Variants in TRIOBP observed in about 807,000 individuals in gnomAD.
TRIOBP encodes TRIO and F-actin binding protein.
TRIOBP carries 169 observed loss-of-function variants against 238.8 expected under a neutral mutation model. The observed-to-expected ratio is 0.71, with a 90% CI of 0.62 to 0.80. The LOEUF is 0.80. TRIOBP is among the 30% of genes least tolerant of loss of function. TRIOBP has a pLI of 0.00. For missense variants in TRIOBP, 2,838 were observed against 3,122.6 expected, an observed-to-expected ratio of 0.91 and a Z score of 2.17; for synonymous variants, 1,150 against 1,274.4, an observed-to-expected ratio of 0.90 and a Z score of 2.08.
intron 17 of TRIOBP, among the ~76,000 whole-genome samples, chr22:37,764,018 T>C (rs1482839629): frequency 6.6e-6 from 1 of 152,242 alleles, no homozygotes; most frequent in African/African-American, 2.4e-5. Flanking sequence ...CACGTCACTC[T>C]GACCATCCCT....
chr22:37,761,218 G>A (rs1247681877), intron 17 of TRIOBP, among the ~76,000 whole-genome samples: 3 of 152,020 alleles, frequency 2.0e-5, no homozygotes, highest in Admixed American at 2.0e-4. Context: ...GAGGTGAGGT[G>A]GGTGGATCAC....
At position 37,769,355 on chromosome 22, in the gene TRIOBP, C is replaced by T. The variant is rs765348097; in HGVS notation, c.6829C>T (p.Arg2277Trp). Residue 2277 changes from arginine to tryptophan, a missense_variant, in exon 21 of 24, where the codon CGG becomes TGG. Physicochemically the swap from Arg to Trp is moderately radical, Grantham distance 101. This residue lies in a region of TRIOBP where 2,096 missense variants were observed against 2,137.4 expected (regional missense o/e 0.98). Coordinates refer to ENST00000644935, the MANE Select transcript of TRIOBP (RefSeq NM_001039141.3). Reference protein sequence around the residue: ...MGNGCGRSNERSSCELEVLLR... With the variant: ...MGNGCGRSNEWSSCELEVLLR... ...CAATGGCTGCGGGCGCAGCAACGAG[C>T]GGAGTTCCTGCGAGCTAGAGGTGAG... The T allele has an allele frequency of 5.6e-6, 9 of 1,608,266 alleles. No homozygotes were observed. The highest frequency in any genetic ancestry group is 2.2e-5 in the South Asian group (2 of 90,404).
chr22:37,721,256 A>G (rs1601628954), intron 6 of TRIOBP, among the ~76,000 whole-genome samples: 1 of 151,272 alleles, frequency 6.6e-6, no homozygotes. Flanking sequence ...CAGATGATCC[A>G]CCCGCCTTGG....
rs563256000 is a variant in TRIOBP at position 37,703,785 on chromosome 22, A to G, written c.114+2306A>G. ...CTCCCAAAGTGCTGGGATTACAGGC[A>G]TGAGCCACCGCGCCCAGCTTCTACC... On this transcript the variant is annotated intron_variant, in intron 3 of 23. Transcript: ENST00000644935. 8.0e-4 allele frequency among the ~76,000 whole-genome samples: 121 copies of G among 151,396 alleles called. 1 individual carries two copies. The highest frequency in any genetic ancestry group is 2.7e-3 in the African/African-American group (113 of 41,266).
intron 11 of TRIOBP, chr22:37,751,484 GGTC>G: frequency 2.0e-6 from 1 of 500,402 alleles, no homozygotes; most frequent in Non-Finnish European, 3.7e-6. Flanking sequence ...TTGGGCGAGG[GGTC>G]GGCTGGAGAG....
At chr22:37,750,722 C>G in intron 11 of TRIOBP, 1 of 471,140 alleles carries the variant, frequency 2.1e-6, no homozygotes, top group South Asian at 1.5e-5. Flanking sequence ...TCAGCTGTCC[C>G]AAGCCCCGGT....
At chr22:37,733,596 G>A (rs1350305435) in intron 8 of TRIOBP, among the ~76,000 whole-genome samples, 184 bp downstream of exon 8, 1 of 151,424 alleles carries the variant, frequency 6.6e-6, no homozygotes, top group Non-Finnish European at 1.5e-5. Flanking sequence ...AAATGCACAA[G>A]ACCCCACATT....
At chr22:37,738,508 T>C in intron 9 of TRIOBP, 134 bp from the exon 10 acceptor site, 1 of 812,412 alleles carries the variant, frequency 1.2e-6, no homozygotes, top group Admixed American at 2.0e-5. Context: ...GTTGGATGGA[T>C]ACATGGATCT....
chr22:37,732,019 C>A (rs1375402740), intron 7 of TRIOBP, among the ~76,000 whole-genome samples: 1 of 152,208 alleles, frequency 6.6e-6, no homozygotes, highest in Non-Finnish European at 1.5e-5. Flanking sequence ...CACTCTGGGT[C>A]CACCACAGGG....
At chr22:37,722,467 C>G (rs995320875) in intron 6 of TRIOBP, among the ~76,000 whole-genome samples, 56 of 150,264 alleles carry the variant, frequency 3.7e-4, no homozygotes, top group African/African-American at 1.3e-3. Context: ...TGGCTCACGC[C>G]TGTAATCCCA....
At chr22:37,754,539 A>G (rs1386833578) in intron 12 of TRIOBP, among the ~76,000 whole-genome samples, 1 of 152,014 alleles carries the variant, frequency 6.6e-6, no homozygotes, top group Non-Finnish European at 1.5e-5. Context: ...CTGGGGGAAT[A>G]TGGAAAAAGA....
At chr22:37,728,349 G>T (rs564448682) in intron 7 of TRIOBP, among the ~76,000 whole-genome samples, 3 of 151,836 alleles carry the variant, frequency 2.0e-5, no homozygotes, top group Non-Finnish European at 2.9e-5. Context: ...CAGCAGTATT[G>T]CCTGAATTTG....
chr22:37,743,034 C>G (rs1204254867), intron 11 of TRIOBP, among the ~76,000 whole-genome samples: 3 of 152,230 alleles, frequency 2.0e-5, no homozygotes, highest in African/African-American at 7.2e-5. Flanking sequence ...CCCCCTACAC[C>G]ACTGCCTTCA....
At chr22:37,727,520 T>G (rs954854999) in intron 7 of TRIOBP, among the ~76,000 whole-genome samples, 3 of 151,732 alleles carry the variant, frequency 2.0e-5, no homozygotes, top group Non-Finnish European at 4.4e-5. Context: ...TACAAAAAAT[T>G]AGCTGGGCAT....
At chr22:37,744,162 C>A (rs1925100384) in intron 11 of TRIOBP, among the ~76,000 whole-genome samples, 1 of 151,956 alleles carries the variant, frequency 6.6e-6, no homozygotes, top group South Asian at 2.1e-4. Flanking sequence ...CCATGTGCCA[C>A]CACGCCCGGC....
chr22:37,772,741 G>A lies in TRIOBP; in HGVS notation c.7077G>A (p.Met2359Ile), dbSNP rs779913889. ...CCGCCCTCCAGGAGAAGGAGTCGAT[G>A]CGCAACAGCCTGGCTGAGTAGAGGT... is the stretch of plus-strand genomic sequence containing the variant. ...AMAALQEKES[M>I]RNSLAE The change falls in exon 23 of 24, where the codon ATG becomes ATA. Residue 2359 changes from methionine to isoleucine, a missense_variant. Coordinates refer to ENST00000644935, the MANE Select transcript of TRIOBP (RefSeq NM_001039141.3). 6.2e-6 allele frequency: 10 copies of A among 1,613,712 alleles called. No individual in the cohort carries two copies. The highest frequency in any genetic ancestry group is 8.5e-6 in the Non-Finnish European group (10 of 1,180,020).
In TRIOBP at chr22:37,726,191, T is replaced by C. The variant is rs201392187; in HGVS notation, c.3635T>C (p.Leu1212Pro). 3 of 1,572,732 alleles carry C rather than the reference T, an allele frequency of 1.9e-6. No individual in the cohort carries two copies. Among genetic ancestry groups the C allele is most frequent in the African/African-American group, 2.7e-5 (2 of 73,014 alleles). Residue 1212 changes from leucine (L) to proline (P), a missense_variant, in exon 7 of 24, where the codon CTG becomes CCG. Leu to Pro is a moderately conservative substitution (Grantham distance 98). This residue lies in a region of TRIOBP where 2,096 missense variants were observed against 2,137.4 expected (regional missense o/e 0.98). Transcript: ENST00000644935. ...STDSLHGSPV[L>P]IPQVCIGHRD... The stretch of plus-strand genomic sequence containing the variant: ...GACTCTCTGCATGGCTCCCCAGTGC[T>C]GATCCCCCAAGTGTGCATCGGGCAC...
Position 37,725,340 on chromosome 22 carries a change from G to A in TRIOBP, c.2784G>A (p.Lys928=). 2 of 1,613,344 alleles carry A rather than the reference G, an allele frequency of 1.2e-6. No homozygotes were observed. Among genetic ancestry groups the A allele is most frequent in the Non-Finnish European group, 1.7e-6 (2 of 1,179,664 alleles). Residue 928 remains lysine, a synonymous_variant, in exon 7 of 24, where the codon AAG becomes AAA. Transcript: ENST00000644935. ...GPRTSSPSRS[K]QSEVPWASIA... is the part of the protein sequence containing the mutation. ...GAACCTCTTCCCCATCTCGCTCCAA[G>A]CAAAGCGAGGTTCCCTGGGCATCCA...
chr22:37,752,274 C>T (rs548562348), intron 12 of TRIOBP, among the ~76,000 whole-genome samples: 4 of 152,346 alleles, frequency 2.6e-5, no homozygotes, highest in East Asian at 3.9e-4. Context: ...TCAGTGGCCA[C>T]GTCTGTGACA....
Sources: gnomAD v4.1 joint callset for allele counts (sites outside exome capture counted in the v4.1 genomes callset) on GRCh38, gnomAD v4.1.1 for gene constraint, gnomAD v4.1.1 regional missense constraint, MANE v1.5 for transcripts, NCBI Gene and HGNC (gene_info 2026-07-23, HGNC 2026-07-21) for gene names.